BRD3: variants seen among roughly 807,000 people sequenced by gnomAD.
The protein encoded by BRD3 is bromodomain containing 3.
Under a neutral mutation model 66.8 loss-of-function variants are expected in BRD3, and 17 were observed. The ratio of observed to expected loss-of-function variants is 0.25; its 90% CI spans 0.17 to 0.38. The LOEUF (loss-of-function observed/expected upper bound fraction) is 0.38. BRD3 is among the 10% of genes least tolerant of loss of function. The pLI is 1.00. For missense variants in BRD3, 713 were observed against 956.1 expected (o/e 0.75, Z 3.35); for synonymous variants, 421 against 393.2 (o/e 1.07, Z -0.84).
chr9:134,040,326 G>T (rs1830017979), intron 8 of BRD3, 57 bp from the exon 9 acceptor site: 1 of 1,540,678 alleles, frequency 6.5e-7, no homozygotes, highest in Non-Finnish European at 8.7e-7. Context: ...CACTGGGGCT[G>T]CGTGGCGCCC....
At chr9:134,064,097 G>A (rs1422355646) in intron 1 of BRD3, among the ~76,000 whole-genome samples, 1 of 152,346 alleles carries the variant, frequency 6.6e-6, no homozygotes, top group East Asian at 1.9e-4. Context: ...ACAGCCAACA[G>A]CACGGACACA....
intron 1 of BRD3, among the ~76,000 whole-genome samples, chr9:134,065,884 C>T (rs897512280): frequency 1.3e-5 from 2 of 152,168 alleles, no homozygotes; most frequent in Non-Finnish European, 2.9e-5. Flanking sequence ...AGGAAGGTAG[C>T]ACCGGCTGCA....
chr9:134,052,513 C>A, intron 2 of BRD3, 70 bp from the exon 3 acceptor site: 1 of 1,523,852 alleles, frequency 6.6e-7, no homozygotes, highest in Non-Finnish European at 8.9e-7. Flanking sequence ...CCCAAGTGGA[C>A]ACAGCCCGAC....
At position 134,045,601 on chromosome 9, in the gene BRD3, G is replaced by A. The variant is rs143671510; in HGVS notation, c.1087-180C>T. On this transcript the variant is annotated intron_variant, in intron 6 of 11. Coordinates refer to ENST00000303407, the MANE Select transcript of BRD3 (RefSeq NM_007371.4). The surrounding 1 kb of genome is among the most constrained non-coding windows in gnomAD (Gnocchi z 4.8). Reference sequence around the variant, plus strand: ...GACCTCGTACGAGGAAACCCAAAGTGAGGACATGAGAGGGTGACTTGATGG... The same window carrying A: ...GACCTCGTACGAGGAAACCCAAAGTAAGGACATGAGAGGGTGACTTGATGG... Among the ~76,000 whole-genome samples the A allele has an allele frequency of 9.8e-5, 15 of 152,306 alleles. No individual in the cohort carries two copies. The highest frequency in any genetic ancestry group is 3.4e-4 in the African/African-American group (14 of 41,578).
At chr9:134,067,719 G>A (rs1389096075) in intron 1 of BRD3, among the ~76,000 whole-genome samples, 2 of 143,586 alleles carry the variant, frequency 1.4e-5, no homozygotes, top group Non-Finnish European at 3.1e-5. Flanking sequence ...CCGCGCCACC[G>A]CCGCCGCCAC....
rs201862130 is a variant in BRD3 at position 134,048,265 on chromosome 9, C to T, written c.904G>A (p.Ala302Thr). The change falls in exon 6 of 12, where the codon GCA becomes ACA. Residue 302 changes from alanine (A) to threonine (T), a missense_variant. Ala to Thr is a moderately conservative substitution (Grantham distance 58). This residue lies in a region of BRD3 where 418 missense variants were observed against 609.3 expected (regional missense o/e 0.69). Coordinates refer to ENST00000303407, the MANE Select transcript of BRD3 (RefSeq NM_007371.4). ...DLEDGEVPQH[A>T]GKKGKLSEHL... ...TCCGACAGCTTGCCCTTCTTGCCTG[C>T]GTGCTGGGGCACCTCGCCGTCCTCC... The T allele has an allele frequency of 1.8e-5, 29 of 1,609,436 alleles. No homozygotes were observed. The highest frequency in any genetic ancestry group is 1.6e-4 in the East Asian group (7 of 44,846).
intron 6 of BRD3, among the ~76,000 whole-genome samples, chr9:134,046,142 G>A (rs955622380): frequency 1.3e-5 from 2 of 152,228 alleles, no homozygotes; most frequent in African/African-American, 2.4e-5. Flanking sequence ...TGGGTAGACA[G>A]TGCCAGGCGG....
chr9:134,038,065 C>T (rs770536630), intron 9 of BRD3, among the ~76,000 whole-genome samples: 2 of 152,226 alleles, frequency 1.3e-5, no homozygotes, highest in Non-Finnish European at 2.9e-5. Flanking sequence ...GATGGTTCTG[C>T]TAGTGAATCC....
intron 7 of BRD3, among the ~76,000 whole-genome samples, chr9:134,042,694 T>TAC (rs375764175): frequency 4.7e-4 from 58 of 124,004 alleles, no homozygotes; most frequent in Non-Finnish European, 8.3e-4. Context: ...CACACACATA[T>TAC]ACACACACAT....
intron 9 of BRD3, among the ~76,000 whole-genome samples, chr9:134,037,457 G>A (rs562042432): frequency 4.6e-5 from 7 of 152,286 alleles, no homozygotes; most frequent in East Asian, 3.9e-4. Flanking sequence ...TGTAATGCCA[G>A]CTACTAGGGA....
chr9:134,038,610 G>A (rs2132388428), intron 9 of BRD3, among the ~76,000 whole-genome samples: 1 of 152,220 alleles, frequency 6.6e-6, no homozygotes, highest in Admixed American at 6.5e-5. Flanking sequence ...TTTGAGGCCA[G>A]CATTATACTG....
In BRD3 at chr9:134,051,864, TG is replaced by T. The variant is rs1830305705; in HGVS notation, c.352-156del. On this transcript the variant is annotated intron_variant, in intron 3 of 11. Coordinates refer to ENST00000303407, the MANE Select transcript of BRD3 (RefSeq NM_007371.4). ...ATGAATATATGTGTGTGTGTGTGTGTGTGTGTGTGTGTGTTGTTTTTTTTGT... is the reference window on the plus strand; with the variant it reads ...ATGAATATATGTGTGTGTGTGTGTGTTGTGTGTGTGTGTTGTTTTTTTTGT... Among the ~76,000 whole-genome samples the T allele has an allele frequency of 6.9e-4, 79 of 113,996 alleles. 2 individuals are homozygous for T. Among genetic ancestry groups the T allele is most frequent in the African/African-American group, 3.1e-3 (78 of 24,794 alleles). 74.8% of individuals were successfully genotyped at this position (113,996 alleles called of 152,430 possible). A position where few individuals can be genotyped will look rare whatever the true frequency, so the allele number is the denominator to read the frequency against.
At chr9:134,035,902 C>T (rs566731849) in intron 10 of BRD3, 130 bp downstream of exon 10, 15 of 1,290,766 alleles carry the variant, frequency 1.2e-5, no homozygotes, top group Admixed American at 1.1e-4. Flanking sequence ...TGTGGTGGGA[C>T]GAAGGAGCCA....
Position 134,036,034 on chromosome 9 carries a change from A to C in BRD3, c.1934T>G (p.Phe645Cys), listed in dbSNP as rs1341829039. The C allele has an allele frequency of 2.5e-6, 4 of 1,597,276 alleles. No individual in the cohort carries two copies. In the African/African-American group the frequency reaches 5.4e-5, roughly 21 times the overall value. Residue 645 changes from phenylalanine (F) to cysteine (C), a missense_variant and splice_region_variant, in exon 10 of 12, where the codon TTC (phenylalanine) becomes TGC (cysteine). Physicochemically the swap from Phe to Cys is radical, Grantham distance 205. Coordinates refer to ENST00000303407, the MANE Select transcript of BRD3 (RefSeq NM_007371.4). Reference sequence around the variant, plus strand: ...CACGCTCCACGCAGGCAACTTACAGAACGGTTTCCTTTGCTTTTTCTGTAA... The same window carrying C: ...CACGCTCCACGCAGGCAACTTACAGCACGGTTTCCTTTGCTTTTTCTGTAA... ...SCLQKKQRKPFSASGKKQAAK... is the reference protein window; with the variant it reads ...SCLQKKQRKPCSASGKKQAAK...
intron 1 of BRD3, among the ~76,000 whole-genome samples, chr9:134,061,027 G>C (rs1588302017): frequency 6.6e-6 from 1 of 152,264 alleles, no homozygotes; most frequent in Non-Finnish European, 1.5e-5. Flanking sequence ...GAGGGAATGG[G>C]AATCTGTCCA....
At chr9:134,040,848 A>T (rs1830028824) in intron 8 of BRD3, among the ~76,000 whole-genome samples, 1 of 152,228 alleles carries the variant, frequency 6.6e-6, no homozygotes, top group South Asian at 2.1e-4. Context: ...AACCAGCATT[A>T]ATCCAGGGCC....
chr9:134,062,195 T>G (rs893433906), intron 1 of BRD3, among the ~76,000 whole-genome samples: 3 of 152,104 alleles, frequency 2.0e-5, no homozygotes, highest in African/African-American at 7.2e-5. Context: ...TGGCGCCTAC[T>G]CCCCAGGGGA....
chr9:134,065,523 G>A (rs961647556), intron 1 of BRD3, among the ~76,000 whole-genome samples: 2 of 152,002 alleles, frequency 1.3e-5, no homozygotes, highest in African/African-American at 2.4e-5. Context: ...GCAAGAGGAG[G>A]ATCCTCTGAC....
In BRD3 at chr9:134,041,166, C is replaced by T. The variant is rs1489804672; in HGVS notation, c.1407+594G>A. ...ACTCGACAGCCCTGCTCTATTTTCT[C>T]CCAATCTGGGGTCCCAGAAATCATG... On this transcript the variant is annotated intron_variant, in intron 8 of 11. Coordinates refer to ENST00000303407, the MANE Select transcript of BRD3 (RefSeq NM_007371.4). Among the ~76,000 whole-genome samples the T allele has an allele frequency of 4.6e-5, 7 of 152,370 alleles. No homozygotes were observed. In the East Asian group the frequency reaches 1.2e-3, roughly 25 times the overall value.
Sources: allele counts gnomAD v4.1 joint callset (sites outside exome capture counted in the v4.1 genomes callset), GRCh38; gene constraint gnomAD v4.1.1; regional missense constraint gnomAD v4.1.1; non-coding constraint Gnocchi (gnomAD v3.1); transcripts MANE v1.5; gene names NCBI Gene and HGNC (gene_info 2026-07-23, HGNC 2026-07-21).